The following GNB1 variants were observed in gnomAD, a reference collection of about 807,000 sequenced individuals.
The protein encoded by GNB1 is guanine nucleotide-binding protein G(I)/G(S)/G(T) subunit beta-1.
Under a neutral mutation model 42.9 loss-of-function variants are expected in GNB1, and 2 were observed. That is an observed-to-expected ratio of 0.05 (90% confidence interval 0.02 to 0.15). The LOEUF is 0.15. GNB1 is among the 10% of genes least tolerant of loss of function. GNB1 has a pLI of 1.00. For missense variants in GNB1, 193 were observed against 462.2 expected (o/e 0.42, Z 5.34); for synonymous variants, 183 against 174.7 (o/e 1.05, Z -0.38).
At chr1:1,852,831 T>A (rs1187354264) in intron 1 of GNB1, among the ~76,000 whole-genome samples, 2 of 152,014 alleles carry the variant, frequency 1.3e-5, no homozygotes, top group Non-Finnish European at 2.9e-5. Context: ...CAGCTCCACA[T>A]CTGCCACACC....
intron 1 of GNB1, among the ~76,000 whole-genome samples, chr1:1,870,423 A>C (rs1649182455): frequency 6.6e-6 from 1 of 152,146 alleles, no homozygotes; most frequent in African/African-American, 2.4e-5. Context: ...GGATCCTCGC[A>C]ACTCAGCCTC....
At chr1:1,801,774 G>C (rs1434481359) in intron 7 of GNB1, among the ~76,000 whole-genome samples, 1 of 152,190 alleles carries the variant, frequency 6.6e-6, no homozygotes, top group Non-Finnish European at 1.5e-5. Flanking sequence ...AAGTAGCAGA[G>C]TTACAATAAG....
chr1:1,841,927 G>A (rs1647254336), intron 1 of GNB1, among the ~76,000 whole-genome samples: 1 of 152,246 alleles, frequency 6.6e-6, no homozygotes, highest in Admixed American at 6.5e-5. Flanking sequence ...TCAGCAGCCA[G>A]AAGGTGGAGA....
intron 5 of GNB1, among the ~76,000 whole-genome samples, chr1:1,807,713 CT>C (rs950959780): frequency 1.0e-3 from 151 of 143,988 alleles, no homozygotes; most frequent in Admixed American, 1.0e-3. Context: ...TTCTTTTTTT[CT>C]TTTTTTTTTT....
chr1:1,793,387 T>C (rs985504780), intron 7 of GNB1, 76 bp from the exon 8 acceptor site: 18 of 942,434 alleles, frequency 1.9e-5, no homozygotes, highest in Non-Finnish European at 2.4e-5. Flanking sequence ...GAGAAACACA[T>C]TGGCCCGGTG....
intron 2 of GNB1, among the ~76,000 whole-genome samples, chr1:1,837,597 G>A (rs1466271002): frequency 6.7e-6 from 1 of 149,096 alleles, no homozygotes; most frequent in Non-Finnish European, 1.5e-5. Context: ...GTCTCACTCT[G>A]TCACCAGGCT....
intron 1 of GNB1, among the ~76,000 whole-genome samples, chr1:1,840,705 C>G (rs1409920241): frequency 6.6e-6 from 1 of 152,246 alleles, no homozygotes; most frequent in Non-Finnish European, 1.5e-5. Context: ...TGTTGGGACA[C>G]TTCCAATCCC....
At chr1:1,803,752 G>A (rs1015852659) in intron 7 of GNB1, among the ~76,000 whole-genome samples, 1 of 152,164 alleles carries the variant, frequency 6.6e-6, no homozygotes, top group Non-Finnish European at 1.5e-5. Context: ...GGGAGGCTAA[G>A]GCAGGCGGAT....
rs547060578 is a variant in GNB1 at position 1,885,141 on chromosome 1, G to A, written c.-96+5679C>T. ...TAAACTTAAAAATTAAGCTGGGCAC[G>A]GTGGCTCACACCTGTAATCCCAGCA... On this transcript the variant is annotated intron_variant, in intron 1 of 11. Transcript: ENST00000378609. 4.6e-5 allele frequency among the ~76,000 whole-genome samples: 7 copies of A among 151,826 alleles called. No homozygotes were observed. The East Asian group carries it at 5.8e-4, about 13-fold the overall frequency.
At chr1:1,806,809 AT>A (rs1445353993) in intron 5 of GNB1, among the ~76,000 whole-genome samples, 1 of 152,186 alleles carries the variant, frequency 6.6e-6, no homozygotes, top group Non-Finnish European at 1.5e-5. Flanking sequence ...CCCTGTCTCT[AT>A]TAAAAATACA....
chr1:1,788,983 C>A, intron 10 of GNB1, 70 bp downstream of exon 10: 1 of 1,113,878 alleles, frequency 9.0e-7, no homozygotes. Flanking sequence ...CTTATGCAAC[C>A]ACTCTGTGTT....
At chr1:1,843,735 C>T (rs1023569812) in intron 1 of GNB1, among the ~76,000 whole-genome samples, 3 of 152,074 alleles carry the variant, frequency 2.0e-5, no homozygotes, top group South Asian at 2.1e-4. Flanking sequence ...ACAGGACTAC[C>T]AGTCCCACAA....
intron 1 of GNB1, among the ~76,000 whole-genome samples, chr1:1,844,138 T>A (rs1372243250): frequency 6.6e-6 from 1 of 151,568 alleles, no homozygotes; most frequent in Non-Finnish European, 1.5e-5. Flanking sequence ...GAGCTTGCAG[T>A]GAGCTGAGAT....
intron 3 of GNB1, 95 bp from the exon 4 acceptor site, chr1:1,817,970 C>G: frequency 2.2e-6 from 2 of 928,718 alleles, no homozygotes; most frequent in East Asian, 4.8e-5. Flanking sequence ...CTTTCCTAAG[C>G]TGTCAGGAGC....
intron 1 of GNB1, among the ~76,000 whole-genome samples, chr1:1,873,514 A>T (rs2101801989): frequency 6.6e-6 from 1 of 152,360 alleles, no homozygotes; most frequent in Middle Eastern, 3.4e-3. Flanking sequence ...CTCCCACATG[A>T]TGATGAACAA....
Position 1,872,776 on chromosome 1 carries a change from G to A in GNB1, c.-96+18044C>T, listed in dbSNP as rs1198907964. ...GCCCAAACTTCGCTTCTTCCAGTTCGCCATCTCCCCACAGAGAATGAACCA... is the reference window on the plus strand; with the variant it reads ...GCCCAAACTTCGCTTCTTCCAGTTCACCATCTCCCCACAGAGAATGAACCA... On this transcript the variant is annotated intron_variant, in intron 1 of 11. Transcript: ENST00000378609. Among the ~76,000 whole-genome samples, 4 of 151,950 alleles carry A rather than the reference G, an allele frequency of 2.6e-5. No homozygotes were observed. In the South Asian group the frequency reaches 6.3e-4, roughly 24 times the overall value.
rs949196094 is a variant in GNB1, at chr1:1,821,613, CCT to C, written c.58-3740_58-3739del. Among the ~76,000 whole-genome samples the C allele has an allele frequency of 6.8e-4, 104 of 152,242 alleles. 1 individual carries two copies. The highest frequency in any genetic ancestry group is 2.4e-3 in the African/African-American group (98 of 41,536). On this transcript the variant is annotated intron_variant, in intron 3 of 11. Coordinates refer to ENST00000378609, the MANE Select transcript of GNB1 (RefSeq NM_002074.5). ...AAGGACTTCAACAGCTTTTGCTGTC[CCT>C]GTCTCGTGCAAAGGAACTAACACAG...
intron 1 of GNB1, among the ~76,000 whole-genome samples, chr1:1,860,844 C>T (rs930864140): frequency 1.3e-5 from 2 of 151,962 alleles, no homozygotes; most frequent in Non-Finnish European, 2.9e-5. Flanking sequence ...ACACGCTCAT[C>T]AAAAATGGGA....
intron 1 of GNB1, among the ~76,000 whole-genome samples, chr1:1,870,171 CTT>C (rs1465782048): frequency 6.6e-6 from 1 of 152,010 alleles, no homozygotes; most frequent in Admixed American, 6.6e-5. Flanking sequence ...CAAAGACAAT[CTT>C]ATGTTTTTGT....
Sources: gnomAD v4.1 joint callset for allele counts (sites outside exome capture counted in the v4.1 genomes callset) on GRCh38, gnomAD v4.1.1 for gene constraint, MANE v1.5 for transcripts, NCBI Gene and HGNC (gene_info 2026-07-23, HGNC 2026-07-21) for gene names.